ZSWIM6: variants seen among roughly 807,000 people sequenced by gnomAD.
ZSWIM6 encodes zinc finger SWIM-type containing 6.
A neutral mutation model predicts 113.2 loss-of-function variants in ZSWIM6; 9 were observed. The ratio of observed to expected loss-of-function variants is 0.08; its 90% CI spans 0.05 to 0.14. The LOEUF is 0.14. ZSWIM6 is among the 10% of genes least tolerant of loss of function. The pLI, the probability that ZSWIM6 is intolerant of heterozygous loss-of-function variation, is 1.00. For synonymous variants in ZSWIM6, 611 were observed against 606.5 expected (o/e 1.01, Z -0.11); for missense variants, 1,162 against 1,552.2 (o/e 0.75, Z 4.22).
intron 1 of ZSWIM6, among the ~76,000 whole-genome samples, chr5:61,387,960 A>G (rs1022694784): frequency 7.1e-6 from 1 of 141,766 alleles, no homozygotes; most frequent in Non-Finnish European, 1.5e-5. Context: ...TACAGAAGTG[A>G]TATTTTACCC....
At chr5:61,365,180 C>T (rs541303082) in intron 1 of ZSWIM6, among the ~76,000 whole-genome samples, 8 of 151,998 alleles carry the variant, frequency 5.3e-5, no homozygotes, top group East Asian at 1.9e-4. Flanking sequence ...GGTGAAACCC[C>T]GTCTCTACTA....
chr5:61,352,258 A>G (rs975884075), intron 1 of ZSWIM6, among the ~76,000 whole-genome samples: 1 of 152,172 alleles, frequency 6.6e-6, no homozygotes, highest in Admixed American at 6.5e-5. Context: ...AATCCTAATC[A>G]TAGTTTTTTG....
intron 1 of ZSWIM6, among the ~76,000 whole-genome samples, chr5:61,379,351 A>AT (rs1278122713): frequency 2.8e-5 from 4 of 140,690 alleles, no homozygotes; most frequent in African/African-American, 1.1e-4. Flanking sequence ...CCTGGAAGCA[A>AT]TTTTTTTGAT....
In ZSWIM6 at chr5:61,525,852, C is replaced by T. The variant is rs1173923166; in HGVS notation, c.1566C>T (p.Cys522=). The T allele has an allele frequency of 9.7e-6, 15 of 1,551,606 alleles. No individual in the cohort carries two copies. Among genetic ancestry groups the T allele is most frequent in the Admixed American group, 5.9e-5 (3 of 50,972 alleles). ...RTVFTRAIEA[C]DLHWQDSHLQ... is the part of the protein sequence containing the mutation. ...TGTTCACCCGAGCCATCGAGGCATG[C>T]GATCTCCACTGGCAGGATAGCCACT... The change falls in exon 6 of 14, where the codon TGC becomes TGT. Residue 522 remains cysteine (C), a synonymous_variant. Coordinates refer to ENST00000252744, the MANE Select transcript of ZSWIM6 (RefSeq NM_020928.2).
intron 4 of ZSWIM6, among the ~76,000 whole-genome samples, chr5:61,512,794 G>A: frequency 6.6e-6 from 1 of 151,876 alleles, no homozygotes; most frequent in East Asian, 1.9e-4. Context: ...ATGTCTTTCT[G>A]AATTTTTGCC....
chr5:61,410,228 G>C (rs564490452), intron 1 of ZSWIM6, among the ~76,000 whole-genome samples: 18 of 151,930 alleles, frequency 1.2e-4, no homozygotes, highest in Middle Eastern at 3.5e-3. Flanking sequence ...CGGTACTCTA[G>C]TGCTCAGCCC....
chr5:61,429,949 G>A (rs945643203), intron 1 of ZSWIM6, among the ~76,000 whole-genome samples: 1 of 152,212 alleles, frequency 6.6e-6, no homozygotes, highest in South Asian at 2.1e-4. Flanking sequence ...TAAGTGAAAG[G>A]TACTGAGAAG....
intron 1 of ZSWIM6, among the ~76,000 whole-genome samples, chr5:61,339,781 T>A (rs1455615713): frequency 6.6e-6 from 1 of 152,256 alleles, no homozygotes; most frequent in Non-Finnish European, 1.5e-5. Context: ...TACTGTGGTA[T>A]AATTTTTAAA....
At chr5:61,372,455 C>G (rs1745286967) in intron 1 of ZSWIM6, among the ~76,000 whole-genome samples, 2 of 152,166 alleles carry the variant, frequency 1.3e-5, no homozygotes, top group Admixed American at 1.3e-4. Flanking sequence ...TCTTATTTGA[C>G]AACTCAGTAG....
intron 1 of ZSWIM6, among the ~76,000 whole-genome samples, chr5:61,340,108 T>C (rs1744511000): frequency 6.6e-6 from 1 of 152,228 alleles, no homozygotes; most frequent in Non-Finnish European, 1.5e-5. Flanking sequence ...TGCTTTGTAC[T>C]TGCTTTTCAG....
intron 1 of ZSWIM6, among the ~76,000 whole-genome samples, chr5:61,345,515 C>T (rs1426816577): frequency 1.3e-5 from 2 of 152,118 alleles, no homozygotes; most frequent in East Asian, 3.8e-4. Flanking sequence ...GAATTTGTAT[C>T]TTTGGAAGGG....
Position 61,544,038 on chromosome 5 carries a change from G to C in ZSWIM6, c.3369G>C (p.Gly1123=), listed in dbSNP as rs1215824044. 6.4e-7 allele frequency: 1 copy of C among 1,552,072 alleles called. No individual in the cohort carries two copies. Among genetic ancestry groups the C allele is most frequent in the Admixed American group, 2.0e-5 (1 of 51,004 alleles). ...LTTPGMVGLH[G]RRNSGKLMSL... is the part of the protein sequence containing the mutation. Reference sequence around the variant, plus strand: ...CTCCTGGCATGGTGGGACTTCATGGGAGGAGGAACTCTGGTAAGCTCATGT... The same window carrying C: ...CTCCTGGCATGGTGGGACTTCATGGCAGGAGGAACTCTGGTAAGCTCATGT... Residue 1123 remains glycine (G), a synonymous_variant, in exon 14 of 14, where the codon GGG becomes GGC. Transcript: ENST00000252744.
chr5:61,474,625 T>C (rs1009802905), intron 2 of ZSWIM6, among the ~76,000 whole-genome samples: 1 of 152,152 alleles, frequency 6.6e-6, no homozygotes, highest in Non-Finnish European at 1.5e-5. Flanking sequence ...CTCAAAACAC[T>C]AGTAGCCACA....
chr5:61,340,655 T>C (rs949078132), intron 1 of ZSWIM6, among the ~76,000 whole-genome samples: 2 of 152,246 alleles, frequency 1.3e-5, no homozygotes, highest in Admixed American at 1.3e-4. Context: ...GTAAATTGTT[T>C]AGAGTGGCAT....
chr5:61,333,142 C>T (rs1744303562), intron 1 of ZSWIM6, among the ~76,000 whole-genome samples, 194 bp downstream of exon 1: 1 of 151,884 alleles, frequency 6.6e-6, no homozygotes, highest in Non-Finnish European at 1.5e-5. Flanking sequence ...CCCCGTCGCC[C>T]CGGACGGGCC....
intron 3 of ZSWIM6, among the ~76,000 whole-genome samples, chr5:61,492,577 G>A (rs930175686): frequency 6.6e-5 from 10 of 152,108 alleles, no homozygotes; most frequent in African/African-American, 1.9e-4. Flanking sequence ...AAGTATCAAT[G>A]TAAAACTCTT....
intron 1 of ZSWIM6, among the ~76,000 whole-genome samples, chr5:61,342,005 G>C (rs963874193): frequency 1.3e-5 from 2 of 150,348 alleles, no homozygotes; most frequent in African/African-American, 4.9e-5. Context: ...TCAGCCTCCT[G>C]AGTAGCTGGG....
At chr5:61,516,766 C>G (rs1215538850) in intron 4 of ZSWIM6, among the ~76,000 whole-genome samples, 1 of 151,768 alleles carries the variant, frequency 6.6e-6, no homozygotes, top group Non-Finnish European at 1.5e-5. Context: ...TATTCCTGAA[C>G]TTCCAAGTTT....
At chr5:61,533,653 CA>C (rs1580069274) in intron 9 of ZSWIM6, among the ~76,000 whole-genome samples, 2 of 151,842 alleles carry the variant, frequency 1.3e-5, no homozygotes, top group East Asian at 1.9e-4. Flanking sequence ...CTGAATAGTA[CA>C]AAAAAGGTAA....
Sources: gnomAD v4.1 joint callset for allele counts (sites outside exome capture counted in the v4.1 genomes callset) on GRCh38, gnomAD v4.1.1 for gene constraint, MANE v1.5 for transcripts, NCBI Gene and HGNC (gene_info 2026-07-23, HGNC 2026-07-21) for gene names.